The following HMBOX1 variants were observed in gnomAD, a reference collection of about 807,000 sequenced individuals.
The protein encoded by HMBOX1 is homeobox-containing protein 1.
A neutral mutation model predicts 54.5 loss-of-function variants in HMBOX1; 14 were observed. The ratio of observed to expected loss-of-function variants is 0.26; its 90% CI spans 0.17 to 0.40. The LOEUF is 0.40. HMBOX1 is among the 10% of genes least tolerant of loss of function. HMBOX1 has a pLI of 1.00. For missense variants in HMBOX1, 332 were observed against 514.4 expected (o/e 0.65, Z 3.43); for synonymous variants, 160 against 181.0 (o/e 0.88, Z 0.93).
At chr8:29,031,573 C>A (rs1225286490) in intron 6 of HMBOX1, among the ~76,000 whole-genome samples, 2 of 150,268 alleles carry the variant, frequency 1.3e-5, no homozygotes, top group East Asian at 1.9e-4. Context: ...AAAACACAGA[C>A]TTTGGAGTTA....
chr8:28,931,586 G>A (rs1266144401), intron 1 of HMBOX1, among the ~76,000 whole-genome samples: 1 of 152,200 alleles, frequency 6.6e-6, no homozygotes, highest in African/African-American at 2.4e-5. Context: ...GTGCCACTCA[G>A]GCTGGCGTGC....
chr8:28,919,971 TTGTGTGTGTGTGTG>T (rs5890431), intron 1 of HMBOX1, among the ~76,000 whole-genome samples: 8 of 148,884 alleles, frequency 5.4e-5, no homozygotes, highest in South Asian at 2.1e-4. Context: ...AAGTGAAGTT[TTGTGTGTGTGTGTG>T]TGTGTGTGTG....
chr8:29,032,129 T>TGA (rs1228738824), intron 6 of HMBOX1, among the ~76,000 whole-genome samples: 1 of 152,244 alleles, frequency 6.6e-6, no homozygotes, highest in East Asian at 1.9e-4. Context: ...CAAAGCATCC[T>TGA]ATTTGTATCT....
intron 1 of HMBOX1, among the ~76,000 whole-genome samples, chr8:28,925,001 C>T (rs1818201326): frequency 6.8e-6 from 1 of 146,460 alleles, no homozygotes; most frequent in South Asian, 2.2e-4. Flanking sequence ...TGTTATCTTT[C>T]CTATTAGTGA....
In HMBOX1 at chr8:29,047,463, C is replaced by G; in HGVS notation, c.1030+10C>G. ...AGGAGAGCCAATATTGGTAATGTAT[C>G]AGTGAGGCTGCTTTTCTCTTGTGCA... On this transcript the variant is annotated intron_variant, in intron 8 of 9. Transcript: ENST00000287701. 6 of 1,400,730 alleles carry G rather than the reference C, an allele frequency of 4.3e-6. No individual in the cohort carries two copies. Among genetic ancestry groups the G allele is most frequent in the Non-Finnish European group, 6.1e-6 (6 of 986,466 alleles). 86.8% of individuals were successfully genotyped at this position (1,400,730 alleles called of 1,614,324 possible).
At chr8:28,994,733 C>G (rs1831532329) in intron 4 of HMBOX1, among the ~76,000 whole-genome samples, 1 of 152,056 alleles carries the variant, frequency 6.6e-6, no homozygotes, top group Non-Finnish European at 1.5e-5. Flanking sequence ...ATGATGGTAT[C>G]TCAAATGAGC....
intron 1 of HMBOX1, among the ~76,000 whole-genome samples, chr8:28,900,019 G>C (rs1277729902): frequency 1.3e-5 from 2 of 151,964 alleles, no homozygotes; most frequent in Non-Finnish European, 2.9e-5. Flanking sequence ...GGGAGGCTGA[G>C]GTGGGCGGAT....
At chr8:28,982,753 G>T (rs192836987) in intron 4 of HMBOX1, among the ~76,000 whole-genome samples, 1 of 152,014 alleles carries the variant, frequency 6.6e-6, no homozygotes, top group African/African-American at 2.4e-5. Context: ...AGCCTCCCAA[G>T]TACCTGGGAT....
At chr8:29,036,165 A>C (rs1803825265) in intron 6 of HMBOX1, among the ~76,000 whole-genome samples, 1 of 152,222 alleles carries the variant, frequency 6.6e-6, no homozygotes, top group Non-Finnish European at 1.5e-5. Flanking sequence ...GGCAATTAGC[A>C]TGCTGCAAGT....
intron 1 of HMBOX1, among the ~76,000 whole-genome samples, chr8:28,959,758 GTC>G (rs1357169391): frequency 3.9e-5 from 6 of 152,108 alleles, no homozygotes; most frequent in African/African-American, 1.4e-4. Context: ...AATAGATTAA[GTC>G]TGCTGAGAAC....
chr8:28,915,071 C>G lies in HMBOX1; in HGVS notation c.-58+24393C>G, dbSNP rs190840054. ...GGTAAGACTTCTGGCAAAAATTGAT[C>G]CAGAGGTTCTAAGATGTCATCAGTA... On this transcript the variant is annotated intron_variant, in intron 1 of 9. Transcript: ENST00000287701. Among the ~76,000 whole-genome samples the G allele has an allele frequency of 5.9e-5, 9 of 152,190 alleles. 1 individual carries two copies. Among genetic ancestry groups the G allele is most frequent in the Admixed American group, 4.6e-4 (7 of 15,278 alleles).
At chr8:28,927,130 G>C (rs965102930) in intron 1 of HMBOX1, among the ~76,000 whole-genome samples, 1 of 152,114 alleles carries the variant, frequency 6.6e-6, no homozygotes, top group Non-Finnish European at 1.5e-5. Context: ...TAAAATAAGA[G>C]TATAATCAGA....
chr8:28,940,893 G>T (rs537733951), intron 1 of HMBOX1, among the ~76,000 whole-genome samples: 151 of 152,298 alleles, frequency 9.9e-4, no homozygotes, highest in Non-Finnish European at 1.7e-3. Context: ...GGAAGGCACT[G>T]TAGTGGATAC....
intron 6 of HMBOX1, among the ~76,000 whole-genome samples, chr8:29,037,721 C>T (rs1804136214): frequency 6.6e-6 from 1 of 152,148 alleles, no homozygotes; most frequent in African/African-American, 2.4e-5. Flanking sequence ...TACCCAGTCC[C>T]TGGTGGTTGG....
At chr8:28,994,822 A>G (rs1261529625) in intron 4 of HMBOX1, among the ~76,000 whole-genome samples, 6 of 152,218 alleles carry the variant, frequency 3.9e-5, no homozygotes, top group African/African-American at 1.4e-4. Flanking sequence ...CTTATGCAAG[A>G]CAAAATATAA....
chr8:28,998,836 C>G (rs1166308473), intron 4 of HMBOX1, among the ~76,000 whole-genome samples: 1 of 151,936 alleles, frequency 6.6e-6, no homozygotes, highest in African/African-American at 2.4e-5. Context: ...CTGGAGATTA[C>G]CATTAACATC....
At chr8:28,952,134 G>A (rs1823537886) in intron 1 of HMBOX1, among the ~76,000 whole-genome samples, 1 of 150,084 alleles carries the variant, frequency 6.7e-6, no homozygotes, top group African/African-American at 2.5e-5. Context: ...TCTGATGCCT[G>A]GGTGACAGAG....
At chr8:29,038,246 A>G (rs988853111) in intron 6 of HMBOX1, among the ~76,000 whole-genome samples, 3 of 152,136 alleles carry the variant, frequency 2.0e-5, no homozygotes, top group African/African-American at 4.8e-5. Context: ...GCCACTTTTC[A>G]TTTTAATTCT....
At chr8:28,935,438 C>A (rs1257941939) in intron 1 of HMBOX1, among the ~76,000 whole-genome samples, 2 of 152,038 alleles carry the variant, frequency 1.3e-5, no homozygotes, top group Non-Finnish European at 2.9e-5. Context: ...GGCGAATATG[C>A]TAAGGTAATT....
Sources: allele counts gnomAD v4.1 joint callset (sites outside exome capture counted in the v4.1 genomes callset), GRCh38; gene constraint gnomAD v4.1.1; transcripts MANE v1.5; gene names NCBI Gene and HGNC (gene_info 2026-07-23, HGNC 2026-07-21).